Variants in TUB observed in about 807,000 individuals in gnomAD.
TUB encodes tubby protein homolog.
A neutral mutation model predicts 59.7 loss-of-function variants in TUB; 33 were observed. That is an observed-to-expected ratio of 0.55 (90% CI 0.42 to 0.74). The LOEUF is 0.74. Among genes scored for constraint, TUB ranks in the 30% least tolerant of loss-of-function variants. The pLI is 0.00. For synonymous variants in TUB, 293 were observed against 256.4 expected, an observed-to-expected ratio of 1.14 and a Z score of -1.36; for missense variants, 659 against 672.0, an observed-to-expected ratio of 0.98 and a Z score of 0.21.
rs534194877 is a variant in TUB at position 8,052,514 on chromosome 11, G to T, written c.203+12822G>T. ...AGACGGAGTCTCGCTCTGTCTCCCA[G>T]GCTGGAGTGCAGTGGTGCAATCTCG... is the stretch of plus-strand genomic sequence containing the variant. On this transcript the variant is annotated intron_variant, in intron 2 of 12. Transcript: ENST00000305253. Among the ~76,000 whole-genome samples the T allele has an allele frequency of 4.1e-4, 60 of 145,770 alleles. 1 individual carries two copies. Among genetic ancestry groups the T allele is most frequent in the Non-Finnish European group, 7.3e-4 (49 of 67,100 alleles).
At chr11:8,029,885 C>T (rs910406304) in intron 1 of TUB, among the ~76,000 whole-genome samples, 6 of 152,124 alleles carry the variant, frequency 3.9e-5, no homozygotes, top group African/African-American at 1.4e-4. Context: ...GGGCTGGAGG[C>T]TCTGCTTTGT....
intron 1 of TUB, among the ~76,000 whole-genome samples, chr11:8,024,808 G>A (rs1942477998): frequency 6.6e-6 from 1 of 152,194 alleles, no homozygotes; most frequent in Admixed American, 6.5e-5. Context: ...GTCACTGACT[G>A]CATTGTTTTG....
At chr11:8,080,378 C>G (rs1014810267), upstream of TUB, among the ~76,000 whole-genome samples, 10 of 152,080 alleles carry the variant, frequency 6.6e-5, no homozygotes, top group African/African-American at 2.4e-4. Context: ...CTCAGTGTGC[C>G]ATGCCTTGCA....
At chr11:8,076,049 T>C (rs1223501209) in intron 2 of TUB, 1 of 152,180 alleles carries the variant, frequency 6.6e-6, no homozygotes, top group Admixed American at 6.5e-5. Flanking sequence ...TATGGTTTCT[T>C]TCTCAGGCTC....
At chr11:8,089,465 C>A in intron 1 of TUB, 145 bp from the exon 2 acceptor site, 1 of 966,560 alleles carries the variant, frequency 1.0e-6, no homozygotes, top group Non-Finnish European at 1.6e-6. Flanking sequence ...CTCCACCCTT[C>A]CTCCTTCTAC....
At chr11:8,088,966 G>A (rs776821886) in intron 1 of TUB, among the ~76,000 whole-genome samples, 20 of 152,194 alleles carry the variant, frequency 1.3e-4, no homozygotes, top group Non-Finnish European at 2.1e-4. Flanking sequence ...AGACACCTCT[G>A]TGTGGCCCAA....
At position 8,073,989 on chromosome 11, in the gene TUB, T is replaced by A. The variant is rs570564465; in HGVS notation, c.204-15621T>A. Among the ~76,000 whole-genome samples, 4 of 152,330 alleles carry A rather than the reference T, an allele frequency of 2.6e-5. No homozygotes were observed. In the South Asian group the frequency reaches 8.3e-4, roughly 32 times the overall value. Reference sequence around the variant, plus strand: ...AAATAACCAGGCTAAGAATTGCAGGTGTTTCTTGCAGCCAGTTGGCTATTG... The same window carrying A: ...AAATAACCAGGCTAAGAATTGCAGGAGTTTCTTGCAGCCAGTTGGCTATTG... On this transcript the variant is annotated intron_variant, in intron 2 of 12. Transcript: ENST00000305253.
intron 2 of TUB, among the ~76,000 whole-genome samples, chr11:8,051,281 T>G (rs1004338957): frequency 5.3e-5 from 8 of 152,234 alleles, no homozygotes; most frequent in South Asian, 2.1e-4. Flanking sequence ...TAAACTGTTT[T>G]GTCATCTAAA....
chr11:8,050,347 C>T (rs79552131), intron 2 of TUB, among the ~76,000 whole-genome samples: 1,597 of 152,282 alleles, frequency 0.01, 23 homozygotes, highest in African/African-American at 0.033. Context: ...AGGTGCGTAC[C>T]TAGGAGTGGA....
intron 2 of TUB, among the ~76,000 whole-genome samples, chr11:8,074,739 C>CTTT (rs1157516500): frequency 1.2e-4 from 7 of 60,646 alleles, no homozygotes; most frequent in African/African-American, 2.1e-4. Flanking sequence ...GACCTCGTGT[C>CTTT]TTTTTTTTTT....
intron 3 of TUB, among the ~76,000 whole-genome samples, chr11:8,091,673 G>A (rs1358670604): frequency 6.6e-6 from 1 of 152,056 alleles, no homozygotes; most frequent in Non-Finnish European, 1.5e-5. Flanking sequence ...GCCATACCTG[G>A]TATGCCTGTA....
chr11:8,038,839 A>G (rs766468661), exon 1 of TUB: 4 of 1,608,396 alleles, frequency 2.5e-6, no homozygotes, highest in Non-Finnish European at 3.4e-6. Flanking sequence ...CTGAAGTGGG[A>G]CCATCCCTTA....
intron 2 of TUB, among the ~76,000 whole-genome samples, chr11:8,055,006 C>A (rs1025337022): frequency 6.6e-6 from 1 of 152,194 alleles, no homozygotes; most frequent in Admixed American, 6.5e-5. Context: ...TAACCCAAGT[C>A]TGGAGCCCAG....
In TUB at chr11:8,081,627, A is replaced by C. The variant is rs962293534; in HGVS notation, c.38+79A>C. The C allele has an allele frequency of 1.4e-5, 19 of 1,398,206 alleles. No homozygotes were observed. The Admixed American group carries it at 2.4e-4, about 18-fold the overall frequency. 86.6% of individuals were successfully genotyped at this position (1,398,206 alleles called of 1,614,324 possible). On this transcript the variant is annotated intron_variant, in intron 1 of 11. Transcript: ENST00000299506. ...GGCTGGGGATACGCGGCCGGGGCGCAGGGCACCGCTGCCCTCCCCACCTAT... is the reference window on the plus strand; with the variant it reads ...GGCTGGGGATACGCGGCCGGGGCGCCGGGCACCGCTGCCCTCCCCACCTAT...
intron 2 of TUB, among the ~76,000 whole-genome samples, chr11:8,048,945 G>A (rs74442058): frequency 2.4e-3 from 367 of 152,140 alleles, no homozygotes; most frequent in African/African-American, 7.8e-3. Context: ...TTTAATATTC[G>A]TAATTCTGTC....
intron 4 of TUB, 25 bp from the exon 5 acceptor site, chr11:8,095,473 A>G (rs754949862): frequency 6.3e-7 from 1 of 1,593,074 alleles, no homozygotes; most frequent in Admixed American, 1.7e-5. Context: ...CCTGGATGTA[A>G]CTCAGGCGTG....
intron 1 of TUB, chr11:8,019,394 T>G: frequency 8.1e-7 from 1 of 1,232,720 alleles, no homozygotes; most frequent in African/African-American, 1.6e-5. Context: ...CGTGAGCGCC[T>G]GCTGACCCTC....
In TUB at chr11:8,073,474, C is replaced by T. The variant is rs367580630; in HGVS notation, c.204-16136C>T. 9.9e-5 allele frequency among the ~76,000 whole-genome samples: 15 copies of T among 152,264 alleles called. No individual in the cohort carries two copies. In the East Asian group the frequency reaches 2.3e-3, roughly 23 times the overall value. On this transcript the variant is annotated intron_variant, in intron 2 of 12. Transcript: ENST00000305253. ...CAGGTCAAAAACACAAACTCATAGG[C>T]TTTTCTGAAAGGTTACAAAATAAAA...
upstream of TUB, among the ~76,000 whole-genome samples, chr11:8,078,582 A>G (rs904962730): frequency 6.6e-6 from 1 of 152,160 alleles, no homozygotes; most frequent in African/African-American, 2.4e-5. Context: ...GCCATCATGC[A>G]TTCTGAGTAG....
Sources: allele counts gnomAD v4.1 joint callset (sites outside exome capture counted in the v4.1 genomes callset), GRCh38; gene constraint gnomAD v4.1.1; transcripts MANE v1.5; gene names NCBI Gene and HGNC (gene_info 2026-07-23, HGNC 2026-07-21).